The following NLRP1 variants were observed in gnomAD, a reference collection of about 807,000 sequenced individuals.
NLRP1 encodes NLR family pyrin domain containing 1.
Under a neutral mutation model 136.7 loss-of-function variants are expected in NLRP1, and 94 were observed. The observed-to-expected ratio is 0.69, with a 90% CI of 0.58 to 0.82. NLRP1 has a LOEUF of 0.82. Among genes scored for constraint, NLRP1 ranks in the 40% least tolerant of loss-of-function variants. The pLI is 0.00. For synonymous variants in NLRP1, 690 were observed against 725.1 expected (o/e 0.95, Z 0.78); for missense variants, 1,575 against 1,802.7 (o/e 0.87, Z 2.29).
Position 5,541,888 on chromosome 17 carries a change from TCA to T in NLRP1, c.2666_2667del (p.Leu889GlnfsTer20), listed in dbSNP as rs1567647610. On this transcript the variant is annotated frameshift_variant, in exon 6 of 17. Coordinates refer to ENST00000572272, the MANE Select transcript of NLRP1 (RefSeq NM_033004.4). LOFTEE classifies it high-confidence loss of function. This position sits in a 1 kb window ranked among gnomAD's most constrained non-coding sequence, Gnocchi z 4.2. ...DAGAKHLCQRLRQPSCKLQRL... is the reference protein window; with the variant it reads ...DAGAKHLCQRXRQPSCKLQRL... Reference sequence around the variant, plus strand: ...CGCTGTAGCTTGCAGCTCGGCTGTCTCAGTCTCTGGCAAAGGTGTTTGGCTCC... The same window carrying T: ...CGCTGTAGCTTGCAGCTCGGCTGTCTGTCTCTGGCAAAGGTGTTTGGCTCC... 2 of 1,613,630 alleles carry T rather than the reference TCA, an allele frequency of 1.2e-6. No homozygotes were observed. The highest frequency in any genetic ancestry group is 2.7e-5 in the African/African-American group (2 of 74,758).
chr17:5,576,310 C>A (rs984591461), intron 3 of NLRP1, among the ~76,000 whole-genome samples: 2 of 152,104 alleles, frequency 1.3e-5, no homozygotes, highest in Admixed American at 1.3e-4. Flanking sequence ...ACACAAAAAA[C>A]CTTTCAAAAA....
At chr17:5,532,595 G>A (rs1355303165) in intron 11 of NLRP1, among the ~76,000 whole-genome samples, 2 of 152,138 alleles carry the variant, frequency 1.3e-5, no homozygotes, top group Admixed American at 6.5e-5. Flanking sequence ...TACTATTTTT[G>A]TATATGTTTG....
chr17:5,572,410 A>C (rs1170526372), intron 3 of NLRP1, among the ~76,000 whole-genome samples: 4 of 152,146 alleles, frequency 2.6e-5, no homozygotes, highest in Non-Finnish European at 5.9e-5. Context: ...TAAGCCAAAA[A>C]CAATCCCATT....
chr17:5,577,766 G>A (rs1905164878), intron 3 of NLRP1, among the ~76,000 whole-genome samples: 1 of 152,114 alleles, frequency 6.6e-6, no homozygotes, highest in Admixed American at 6.5e-5. Context: ...CGACTTAAAA[G>A]TTCATATGGA....
intron 3 of NLRP1, among the ~76,000 whole-genome samples, chr17:5,580,285 AAAAC>A (rs957819362): frequency 2.5e-4 from 38 of 152,130 alleles, no homozygotes; most frequent in African/African-American, 2.2e-4. Context: ...AACAAAAACA[AAAAC>A]AAACAAAAAA....
chr17:5,502,655 TG>T (rs1244903077), intron 15 of NLRP1: 1 of 151,902 alleles, frequency 6.6e-6, no homozygotes, highest in Non-Finnish European at 1.5e-5. Context: ...ATGGTTTAGG[TG>T]GAGTGAAAGA....
intron 5 of NLRP1, among the ~76,000 whole-genome samples, chr17:5,543,463 G>T (rs1314999694): frequency 6.6e-6 from 1 of 152,182 alleles, no homozygotes; most frequent in Non-Finnish European, 1.5e-5. Flanking sequence ...TATCAAGATA[G>T]TAGTAGGTCT....
downstream of NLRP1, among the ~76,000 whole-genome samples, chr17:5,510,683 AT>A (rs945570887): frequency 1.4e-3 from 206 of 148,488 alleles, 2 homozygotes; most frequent in African/African-American, 4.8e-3. Context: ...ATGAAAAAAA[AT>A]TTTTTTTTTT....
chr17:5,529,035 T>C (rs1028745344), intron 12 of NLRP1, among the ~76,000 whole-genome samples: 1 of 152,242 alleles, frequency 6.6e-6, no homozygotes, highest in African/African-American at 2.4e-5. Flanking sequence ...GCTCACTAAA[T>C]TGACAGACAT....
At chr17:5,549,038 G>T (rs1768468429) in intron 5 of NLRP1, among the ~76,000 whole-genome samples, 1 of 152,168 alleles carries the variant, frequency 6.6e-6, no homozygotes, top group Admixed American at 6.5e-5. Flanking sequence ...AGTTTGGGGG[G>T]TATTGTCATT....
At chr17:5,546,253 AAGG>A (rs1192699309) in intron 5 of NLRP1, among the ~76,000 whole-genome samples, 1 of 152,232 alleles carries the variant, frequency 6.6e-6, no homozygotes, top group Non-Finnish European at 1.5e-5. Context: ...TGCAAGATCC[AAGG>A]AGATCATGTA....
intron 12 of NLRP1, among the ~76,000 whole-genome samples, chr17:5,528,698 G>A (rs1909858494): frequency 6.6e-6 from 1 of 151,988 alleles, no homozygotes. Flanking sequence ...CTTAATATAT[G>A]CATACTGTAA....
chr17:5,543,347 G>A (rs565424841), intron 5 of NLRP1, among the ~76,000 whole-genome samples: 43 of 152,314 alleles, frequency 2.8e-4, no homozygotes, highest in African/African-American at 6.3e-4. Flanking sequence ...GCAGGGGCAC[G>A]CGTGGCTGGT....
chr17:5,517,356 C>G (rs1328630145), intron 15 of NLRP1, among the ~76,000 whole-genome samples: 2 of 86,828 alleles, frequency 2.3e-5, no homozygotes, highest in African/African-American at 8.7e-5. Flanking sequence ...CTGCACCCCC[C>G]CCCCTCCCAC....
At chr17:5,582,921 T>TCA in intron 1 of NLRP1, 75 bp from the exon 2 acceptor site, 2 of 1,236,382 alleles carry the variant, frequency 1.6e-6, no homozygotes, top group Non-Finnish European at 2.2e-6. Flanking sequence ...TGAGCTGGTC[T>TCA]CCTCTCTCAA....
At chr17:5,567,424 TAAAC>T (rs140260613) in intron 3 of NLRP1, among the ~76,000 whole-genome samples, 3,642 of 152,136 alleles carry the variant, frequency 0.024, 152 homozygotes, top group African/African-American at 0.084. Flanking sequence ...GATAAACAAA[TAAAC>T]AAACAGGCAG....
chr17:5,574,800 T>C (rs1433837404), intron 3 of NLRP1, among the ~76,000 whole-genome samples: 1 of 151,818 alleles, frequency 6.6e-6, no homozygotes, highest in Non-Finnish European at 1.5e-5. Context: ...CAGCTGGGAC[T>C]ATAGGTGCCC....
chr17:5,519,445 CT>C (rs74550306), intron 14 of NLRP1, among the ~76,000 whole-genome samples: 4,288 of 131,738 alleles, frequency 0.033, 198 homozygotes, highest in African/African-American at 0.1. Flanking sequence ...CACACCTGGC[CT>C]TTTTTTTTTT....
intron 3 of NLRP1, among the ~76,000 whole-genome samples, chr17:5,578,787 T>C (rs1377007385): frequency 6.6e-6 from 1 of 152,220 alleles, no homozygotes; most frequent in Non-Finnish European, 1.5e-5. Flanking sequence ...TTATAAATCA[T>C]GCTGCTATAA....
Sources: allele counts gnomAD v4.1 joint callset (sites outside exome capture counted in the v4.1 genomes callset), GRCh38; gene constraint gnomAD v4.1.1; non-coding constraint Gnocchi (gnomAD v3.1); transcripts MANE v1.5; gene names NCBI Gene and HGNC (gene_info 2026-07-23, HGNC 2026-07-21).